The following PLEKHH3 variants were observed in gnomAD, a reference collection of about 807,000 sequenced individuals.
PLEKHH3 encodes the protein pleckstrin homology domain-containing family H member 3.
In PLEKHH3, 57 loss-of-function variants were observed where a neutral mutation model predicts 77.8. That is an observed-to-expected ratio of 0.73 (90% confidence interval 0.59 to 0.91). PLEKHH3 has a LOEUF of 0.91. PLEKHH3 is among the 40% of genes least tolerant of loss of function. The pLI is 0.00. For synonymous variants in PLEKHH3, 467 were observed against 504.8 expected (o/e 0.93, Z 1.00); for missense variants, 1,082 against 1,091.2 (o/e 0.99, Z 0.12).
chr17:42,670,322 C>T lies in PLEKHH3; in HGVS notation c.1609G>A (p.Ala537Thr). The change falls in exon 11 of 13, where the codon GCC becomes ACC. Residue 537 changes from alanine to threonine, a missense_variant. Physicochemically the swap from Ala to Thr is moderately conservative, Grantham distance 58 (BLOSUM62 0). Coordinates refer to ENST00000591022, the MANE Select transcript of PLEKHH3 (RefSeq NM_024927.5). ...RPPPPDDTLR[A>T]LAALRLQSLQ... ...CTCTGCAGGCGCAGCGCCGCCAGGG[C>T]GCGCAGCGTGTCGTCGGGTGGGGGC... 5 of 1,401,274 alleles carry T rather than the reference C, an allele frequency of 3.6e-6. No individual in the cohort carries two copies. The highest frequency in any genetic ancestry group is 4.6e-6 in the Non-Finnish European group (5 of 1,085,942). 86.8% of individuals were successfully genotyped at this position (1,401,274 alleles called of 1,614,324 possible). A position where few individuals can be genotyped will look rare whatever the true frequency, so the allele number is the denominator to read the frequency against.
chr17:42,670,144 A>G lies in PLEKHH3; in HGVS notation c.1787T>C (p.Leu596Pro), dbSNP rs1310964319. Residue 596 changes from leucine (L) to proline (P), a missense_variant, in exon 11 of 13, where the codon CTG becomes CCG. This residue lies in a region of PLEKHH3 where 733 missense variants were observed against 750.0 expected (regional missense o/e 0.98). Transcript: ENST00000591022. ...LLAGALWSPGLAKRRAERARR... is the reference protein window; with the variant it reads ...LLAGALWSPGPAKRRAERARR... ...GGCCCGCTCCGCCCGCCTCTTGGCC[A>G]GGCCCGGGCTCCAGAGCGCCCCGGC... 1 of 1,199,490 alleles carries G rather than the reference A, an allele frequency of 8.3e-7. No individual in the cohort carries two copies. Among genetic ancestry groups the G allele is most frequent in the Non-Finnish European group, 1.0e-6 (1 of 973,564 alleles). 74.3% of individuals were successfully genotyped at this position (1,199,490 alleles called of 1,614,324 possible). A position where few individuals can be genotyped will look rare whatever the true frequency, so the allele number is the denominator to read the frequency against.
chr17:42,673,158 G>A lies in PLEKHH3; in HGVS notation c.769+18C>T, dbSNP rs1354606918. 8.0e-6 allele frequency: 12 copies of A among 1,505,562 alleles called. No homozygotes were observed. Among genetic ancestry groups the A allele is most frequent in the African/African-American group, 1.4e-5 (1 of 70,794 alleles). 93.3% of individuals were successfully genotyped at this position (1,505,562 alleles called of 1,614,324 possible). A position where few individuals can be genotyped will look rare whatever the true frequency, so the allele number is the denominator to read the frequency against. On this transcript the variant is annotated intron_variant, in intron 6 of 12. Coordinates refer to ENST00000591022, the MANE Select transcript of PLEKHH3 (RefSeq NM_024927.5). The stretch of plus-strand genomic sequence containing the variant: ...CACCCCATCCCATCCAGGGGACTTG[G>A]GCCATGGGACCACTCACCTGGGGCG...
At chr17:42,670,524 G>C (rs371793721) in intron 10 of PLEKHH3, 49 bp downstream of exon 10, 2 of 1,570,162 alleles carry the variant, frequency 1.3e-6, no homozygotes, top group East Asian at 4.6e-5. Context: ...AAAACCAGGG[G>C]TTCAGGCTTG....
Position 42,676,308 on chromosome 17 carries a change from C to T in PLEKHH3, c.162+94G>A. The T allele has an allele frequency of 1.3e-6, 2 of 1,561,096 alleles. No individual in the cohort carries two copies. Among genetic ancestry groups the T allele is most frequent in the South Asian group, 1.2e-5 (1 of 85,336 alleles). ...TCTCCCTCATCCCTAGTTCGCCAAG[C>T]GCGCAGCGTGTGGCTGGAGGCTGGA... On this transcript the variant is annotated intron_variant, in intron 1 of 12. Coordinates refer to ENST00000591022, the MANE Select transcript of PLEKHH3 (RefSeq NM_024927.5). This position sits in a 1 kb window ranked among gnomAD's most constrained non-coding sequence, Gnocchi z 6.6.
chr17:42,673,986 GCT>G lies in PLEKHH3; in HGVS notation c.244_245del (p.Ser82ProfsTer79). 6.2e-7 allele frequency: 1 copy of G among 1,613,394 alleles called. No homozygotes were observed. Among genetic ancestry groups the G allele is most frequent in the East Asian group, 2.2e-5 (1 of 44,872 alleles). On this transcript the variant is annotated frameshift_variant, in exon 3 of 13. Coordinates refer to ENST00000591022, the MANE Select transcript of PLEKHH3 (RefSeq NM_024927.5). LOFTEE classifies it high-confidence loss of function. The part of the protein sequence containing the change: ...NRLQSWEETW[S>X]LIPEKGLPED... The stretch of plus-strand genomic sequence containing the variant: ...CCGGCAGCCCTTTCTCCGGGATGAG[GCT>G]CCAAGTCTCCTCCCAGCTCTGCAGC...
intron 10 of PLEKHH3, 43 bp downstream of exon 10, chr17:42,670,530 G>C (rs1372413135): frequency 1.5e-5 from 24 of 1,581,634 alleles, no homozygotes; most frequent in Non-Finnish European, 2.1e-5. Flanking sequence ...AGGGGTTCAG[G>C]CTTGGGGGTC....
rs746839915 is a variant in PLEKHH3, at chr17:42,668,113, A to T, written c.*14T>A. The T allele has an allele frequency of 7.1e-7, 1 of 1,408,138 alleles. No individual in the cohort carries two copies. The highest frequency in any genetic ancestry group is 9.2e-7 in the Non-Finnish European group (1 of 1,085,266). The allele number at this position is 1,408,138 out of a possible 1,614,324, so 87.2% of individuals were successfully genotyped here. A position where few individuals can be genotyped will look rare whatever the true frequency, so the allele number is the denominator to read the frequency against. ...GGCTGCAGGCAGGAGGGAAGTCGTG[A>T]CCTCTTGGCAGGCTCAGTCCTGCAG... On this transcript the variant is annotated 3_prime_UTR_variant, in exon 13 of 13. Transcript: ENST00000591022.
intron 6 of PLEKHH3, 58 bp downstream of exon 6, chr17:42,673,118 T>C: frequency 6.9e-7 from 1 of 1,459,698 alleles, no homozygotes; most frequent in Non-Finnish European, 9.0e-7. Flanking sequence ...GGGATTCAGA[T>C]TCTTACCTCT....
chr17:42,668,322 C>CA lies in PLEKHH3; in HGVS notation c.2206-20dup. 1 of 1,497,464 alleles carries CA rather than the reference C, an allele frequency of 6.7e-7. No homozygotes were observed. The highest frequency in any genetic ancestry group is 1.5e-5 in the African/African-American group (1 of 68,184). The allele number at this position is 1,497,464 out of a possible 1,614,324, so 92.8% of individuals were successfully genotyped here. On this transcript the variant is annotated intron_variant, in intron 12 of 12. Transcript: ENST00000591022. ...CTTCCACCTAAGAGAGGGCAGAGGTCAGTGTGCAACAGGGGCTGCCAGGTT... is the reference window on the plus strand; with the variant it reads ...CTTCCACCTAAGAGAGGGCAGAGGTCAAGTGTGCAACAGGGGCTGCCAGGTT...
At position 42,673,717 on chromosome 17, in the gene PLEKHH3, G is replaced by T. The variant is rs766227688; in HGVS notation, c.416C>A (p.Ala139Glu). 1 of 1,601,146 alleles carries T rather than the reference G, an allele frequency of 6.2e-7. No individual in the cohort carries two copies. The highest frequency in any genetic ancestry group is 1.3e-5 in the African/African-American group (1 of 75,020). ...LDQFSSSGKGARRLGSLVLTS... is the reference protein window; with the variant it reads ...LDQFSSSGKGERRLGSLVLTS... ...GAGCACGAGGCTCCCGAGACGCCGC[G>T]CCCCTTTCCCGCTGCTGCTGAACTG... is the stretch of plus-strand genomic sequence containing the variant. The change falls in exon 4 of 13, where the codon GCG becomes GAG. Residue 139 changes from alanine to glutamate, a missense_variant. Ala to Glu is a moderately radical substitution (Grantham distance 107). Coordinates refer to ENST00000591022, the MANE Select transcript of PLEKHH3 (RefSeq NM_024927.5).
chr17:42,671,039 A>G lies in PLEKHH3; in HGVS notation c.1376T>C (p.Leu459Pro). ...GTCGGCCACGAGGGTCCCCCCAGCC[A>G]GGGCTCGCTCCTGGGCCCCTCGCTG... ...YEQRGAQERA[L>P]AGGTLVADVL... Residue 459 changes from leucine to proline, a missense_variant, in exon 9 of 13, where the codon CTG (leucine) becomes CCG (proline). Physicochemically the swap from Leu to Pro is moderately conservative, Grantham distance 98. Coordinates refer to ENST00000591022, the MANE Select transcript of PLEKHH3 (RefSeq NM_024927.5). This position sits in a 1 kb window ranked among gnomAD's most constrained non-coding sequence, Gnocchi z 4.7. 1 of 1,610,942 alleles carries G rather than the reference A, an allele frequency of 6.2e-7. No individual in the cohort carries two copies. The highest frequency in any genetic ancestry group is 8.5e-7 in the Non-Finnish European group (1 of 1,179,190).
rs1444752986 is a variant in PLEKHH3, at chr17:42,670,073, C to T, written c.1858G>A (p.Gly620Arg). ...GCTGCCGTGCCGGCGCCGCCTCCTC[C>T]CTCGCGGGCAATGCTTCCCGCAGTG... ...GRTAGSIARE[G>R]GGGAGTAAAV... The change falls in exon 11 of 13, where the codon GGA (glycine) becomes AGA (arginine). Residue 620 changes from glycine (G) to arginine (R), a missense_variant. Physicochemically the swap from Gly to Arg is moderately radical, Grantham distance 125. Coordinates refer to ENST00000591022, the MANE Select transcript of PLEKHH3 (RefSeq NM_024927.5). 6.9e-7 allele frequency: 1 copy of T among 1,457,264 alleles called. No individual in the cohort carries two copies. The highest frequency in any genetic ancestry group is 2.7e-5 in the Admixed American group (1 of 36,826). 90.3% of individuals were successfully genotyped at this position (1,457,264 alleles called of 1,614,324 possible).
In PLEKHH3 at chr17:42,671,117, A is replaced by G; in HGVS notation, c.1298T>C (p.Leu433Pro). The G allele has an allele frequency of 6.3e-7, 1 of 1,586,822 alleles. No individual in the cohort carries two copies. The highest frequency in any genetic ancestry group is 8.6e-7 in the Non-Finnish European group (1 of 1,166,272). Residue 433 changes from leucine to proline, a missense_variant, in exon 9 of 13, where the codon CTG (leucine) becomes CCG (proline). Around this residue, in one of 3 missense-constraint regions of PLEKHH3, gnomAD observed 733 missense variants for 750.0 expected, o/e 0.98. Transcript: ENST00000591022. This position sits in a 1 kb window ranked among gnomAD's most constrained non-coding sequence, Gnocchi z 4.7. ...CCGGGCCAAGCCCAGCCGCCCCACCAGCTCTCGAGCCACCTAGAAGAGGAG... is the reference window on the plus strand; with the variant it reads ...CCGGGCCAAGCCCAGCCGCCCCACCGGCTCTCGAGCCACCTAGAAGAGGAG... The part of the protein sequence containing the change: ...HTTAGEVARE[L>P]VGRLGLARSR...
Position 42,671,664 on chromosome 17 carries a change from G to A in PLEKHH3, c.1077-106C>T. The stretch of plus-strand genomic sequence containing the variant: ...ATTTTATCTAGCCGATTTCCTCCCC[G>A]CCCCAACTCAAGTTCTTTGAAGGCT... On this transcript the variant is annotated intron_variant, in intron 7 of 12. Coordinates refer to ENST00000591022, the MANE Select transcript of PLEKHH3 (RefSeq NM_024927.5). This position sits in a 1 kb window ranked among gnomAD's most constrained non-coding sequence, Gnocchi z 4.7. 2 of 1,217,056 alleles carry A rather than the reference G, an allele frequency of 1.6e-6. No homozygotes were observed. The highest frequency in any genetic ancestry group is 2.6e-5 in the East Asian group (1 of 39,078). 75.4% of individuals were successfully genotyped at this position (1,217,056 alleles called of 1,614,324 possible).
In PLEKHH3 at chr17:42,673,853, G is replaced by A. The variant is rs1428612138; in HGVS notation, c.299-19C>T. 6.2e-7 allele frequency: 1 copy of A among 1,604,910 alleles called. No homozygotes were observed. The highest frequency in any genetic ancestry group is 8.5e-7 in the Non-Finnish European group (1 of 1,177,848). On this transcript the variant is annotated intron_variant, in intron 3 of 12. Coordinates refer to ENST00000591022, the MANE Select transcript of PLEKHH3 (RefSeq NM_024927.5). ...AGCCAACCTGGGGGCCGGAGAGGGA[G>A]GGAAGGGACATCAGTAGAGACATTA...
In PLEKHH3 at chr17:42,669,532, G is replaced by C. The variant is rs1199600648; in HGVS notation, c.2103C>G (p.Ile701Met). The change falls in exon 12 of 13, where the codon ATC becomes ATG. Residue 701 changes from isoleucine (I) to methionine (M), a missense_variant. Physicochemically the swap from Ile to Met is conservative, Grantham distance 10. Coordinates refer to ENST00000591022, the MANE Select transcript of PLEKHH3 (RefSeq NM_024927.5). ...CCACATGGCCATAGCTGACACTGTG[G>C]ATGGGCTCCGTCTCCCCTGGCCGGG... ...SLSRPGETEP[I>M]HSVSYGHVAA... is the part of the protein sequence containing the mutation. 3 of 1,611,686 alleles carry C rather than the reference G, an allele frequency of 1.9e-6. No homozygotes were observed. In the Admixed American group the frequency reaches 5.0e-5, roughly 27 times the overall value.
chr17:42,676,817 G>A lies in PLEKHH3; in HGVS notation c.-254C>T, dbSNP rs116607106. ...GTCCAGGGCCCCGGGAGAGGAGGGA[G>A]CAATGTCCGGAGCTGGGAAGTAGTG... On this transcript the variant is annotated 5_prime_UTR_variant, in exon 1 of 13. Coordinates refer to ENST00000591022, the MANE Select transcript of PLEKHH3 (RefSeq NM_024927.5). The surrounding 1 kb of genome is among the most constrained non-coding windows in gnomAD (Gnocchi z 6.6). 6.2e-3 allele frequency: 3,479 copies of A among 560,404 alleles called. 85 individuals carry two copies. Among genetic ancestry groups the A allele is most frequent in the African/African-American group, 0.059 (3,127 of 53,010 alleles). 34.7% of individuals were successfully genotyped at this position (560,404 alleles called of 1,614,324 possible).
At position 42,671,709 on chromosome 17, in the gene PLEKHH3, T is replaced by C. The variant is rs2052706946; in HGVS notation, c.1077-151A>G. 1 of 882,586 alleles carries C rather than the reference T, an allele frequency of 1.1e-6. No individual in the cohort carries two copies. The highest frequency in any genetic ancestry group is 1.7e-5 in the African/African-American group (1 of 59,118). 54.7% of individuals were successfully genotyped at this position (882,586 alleles called of 1,614,324 possible). On this transcript the variant is annotated intron_variant, in intron 7 of 12. Coordinates refer to ENST00000591022, the MANE Select transcript of PLEKHH3 (RefSeq NM_024927.5). This position sits in a 1 kb window ranked among gnomAD's most constrained non-coding sequence, Gnocchi z 4.7. ...AAGGCTCTTCTAAATCTCTCCCCAG[T>C]GCTTTGCATAGAGCTGAATTACTTT...
In PLEKHH3 at chr17:42,673,711, C is replaced by G. The variant is rs147643829; in HGVS notation, c.422G>C (p.Arg141Pro). Residue 141 changes from arginine (R) to proline (P), a missense_variant, in exon 4 of 13, where the codon CGT becomes CCT. Arg to Pro is a moderately radical substitution (Grantham distance 103, BLOSUM62 -2). Coordinates refer to ENST00000591022, the MANE Select transcript of PLEKHH3 (RefSeq NM_024927.5). ...QFSSSGKGAR[R>P]LGSLVLTSLC... is the part of the protein sequence containing the mutation. The stretch of plus-strand genomic sequence containing the variant: ...GCTGGTGAGCACGAGGCTCCCGAGA[C>G]GCCGCGCCCCTTTCCCGCTGCTGCT... 4 of 1,601,232 alleles carry G rather than the reference C, an allele frequency of 2.5e-6. No homozygotes were observed. The highest frequency in any genetic ancestry group is 1.1e-5 in the South Asian group (1 of 91,072).
Sources: gnomAD v4.1 joint callset for allele counts on GRCh38, gnomAD v4.1.1 for gene constraint, gnomAD v4.1.1 regional missense constraint, Gnocchi (gnomAD v3.1) non-coding constraint, MANE v1.5 for transcripts, NCBI Gene and HGNC (gene_info 2026-07-23, HGNC 2026-07-21) for gene names.